The following FBXL13 variants were observed in gnomAD, a reference collection of about 807,000 sequenced individuals.
FBXL13 encodes the protein F-box and leucine rich repeat protein 13, also known as F-box and leucine-rich repeat protein 13.
In FBXL13, 67 loss-of-function variants were observed where a neutral mutation model predicts 83.6. The observed-to-expected ratio is 0.80, with a 90% confidence interval of 0.66 to 0.98. The LOEUF (loss-of-function observed/expected upper bound fraction) is 0.98. FBXL13 is among the 50% of genes least tolerant of loss of function. The probability of loss-of-function intolerance (pLI) is 0.00; values close to 1 mark genes in which losing one functional copy is unlikely to be tolerated. For synonymous variants in FBXL13, 272 were observed against 299.5 expected (o/e 0.91, Z 0.95); for missense variants, 822 against 866.5 (o/e 0.95, Z 0.64).
chr7:102,972,475 C>T (rs1229746758), intron 6 of FBXL13, among the ~76,000 whole-genome samples: 1 of 151,886 alleles, frequency 6.6e-6, no homozygotes, highest in Non-Finnish European at 1.5e-5. Context: ...CCAGTAAAAT[C>T]ATAGAAATAG....
chr7:102,900,690 T>A (rs1045976655), intron 11 of FBXL13, among the ~76,000 whole-genome samples: 3 of 152,168 alleles, frequency 2.0e-5, no homozygotes, highest in Non-Finnish European at 4.4e-5. Context: ...ATTACTAAGA[T>A]ATCTGTGCTT....
intron 1 of FBXL13, among the ~76,000 whole-genome samples, chr7:103,073,392 AG>A (rs1799215749): frequency 6.6e-6 from 1 of 152,066 alleles, no homozygotes; most frequent in Non-Finnish European, 1.5e-5. Flanking sequence ...ATGAGGTGGG[AG>A]GATCAATTGA....
Position 102,976,287 on chromosome 7 carries a change from T to A in FBXL13, c.496-8170A>T. 3 of 679,172 alleles carry A rather than the reference T, an allele frequency of 4.4e-6. No individual in the cohort carries two copies. In the South Asian group the frequency reaches 5.0e-5, roughly 11 times the overall value. 42.1% of individuals were successfully genotyped at this position (679,172 alleles called of 1,614,324 possible). A position where few individuals can be genotyped will look rare whatever the true frequency, so the allele number is the denominator to read the frequency against. Reference sequence around the variant, plus strand: ...GGGCAACCTATTCTGCTTTCCCTAATTTTTCAGGACCCACCCAGTCCTCCC... The same window carrying A: ...GGGCAACCTATTCTGCTTTCCCTAAATTTTCAGGACCCACCCAGTCCTCCC... On this transcript the variant is annotated intron_variant, in intron 6 of 19. Transcript: ENST00000313221.
At chr7:103,021,799 G>C (rs978528461) in intron 6 of FBXL13, among the ~76,000 whole-genome samples, 1 of 152,168 alleles carries the variant, frequency 6.6e-6, no homozygotes, top group African/African-American at 2.4e-5. Context: ...TCTCATACCA[G>C]TTAGAATGGT....
At chr7:103,063,932 T>C (rs1798155244) in intron 1 of FBXL13, among the ~76,000 whole-genome samples, 1 of 152,164 alleles carries the variant, frequency 6.6e-6, no homozygotes, top group South Asian at 2.1e-4. Flanking sequence ...AAACTCAACT[T>C]AATACGTACT....
intron 1 of FBXL13, among the ~76,000 whole-genome samples, 193 bp from the exon 2 acceptor site, chr7:103,055,940 G>A (rs576723396): frequency 4.1e-4 from 62 of 152,048 alleles, no homozygotes; most frequent in African/African-American, 1.4e-3. Flanking sequence ...TGAGATTTTG[G>A]TGCACCCATC....
At chr7:103,055,121 G>GT in intron 2 of FBXL13, 3 of 1,288,684 alleles carry the variant, frequency 2.3e-6, no homozygotes, top group Non-Finnish European at 3.0e-6. Context: ...GTTGTTCCAG[G>GT]TAAGTTTCAG....
At chr7:103,030,820 T>C (rs950829033) in intron 2 of FBXL13, among the ~76,000 whole-genome samples, 2 of 152,188 alleles carry the variant, frequency 1.3e-5, no homozygotes, top group Non-Finnish European at 2.9e-5. Flanking sequence ...AAAGAAGTAA[T>C]TTAAATCCTC....
intron 1 of FBXL13, among the ~76,000 whole-genome samples, chr7:103,066,484 C>T (rs1048073975): frequency 5.3e-5 from 8 of 151,868 alleles, no homozygotes; most frequent in African/African-American, 1.7e-4. Flanking sequence ...CTCTGCCTCC[C>T]GGGTTCACAC....
intron 2 of FBXL13, among the ~76,000 whole-genome samples, chr7:103,040,892 G>A (rs1163536785): frequency 1.3e-5 from 2 of 152,030 alleles, no homozygotes; most frequent in African/African-American, 2.4e-5. Flanking sequence ...ATCTAAAATC[G>A]ACACCCTAAA....
chr7:103,050,674 G>A (rs1341671145), intron 2 of FBXL13, among the ~76,000 whole-genome samples: 1 of 152,190 alleles, frequency 6.6e-6, no homozygotes, highest in Non-Finnish European at 1.5e-5. Context: ...AGCTCAGGGA[G>A]GCCAGAGCAA....
At chr7:102,934,789 ACTTC>A in intron 8 of FBXL13, 1 of 1,048,820 alleles carries the variant, frequency 9.5e-7, no homozygotes, top group Non-Finnish European at 1.4e-6. Context: ...TCGTGATGTC[ACTTC>A]CACCAGAAAT....
At chr7:102,928,833 CCTT>C (rs1818613515) in intron 9 of FBXL13, among the ~76,000 whole-genome samples, 1 of 152,152 alleles carries the variant, frequency 6.6e-6, no homozygotes, top group Non-Finnish European at 1.5e-5. Context: ...GATTTAAAAT[CCTT>C]CTTCATGAAG....
exon 14 of FBXL13, chr7:102,883,458 C>T (rs544435211): frequency 6.2e-7 from 1 of 1,606,268 alleles, no homozygotes; most frequent in South Asian, 1.1e-5. Context: ...ATCAGTAACC[C>T]TTTTATTTCC....
At chr7:102,867,505 C>T (rs1321067836) in intron 16 of FBXL13, among the ~76,000 whole-genome samples, 3 of 151,354 alleles carry the variant, frequency 2.0e-5, no homozygotes, top group Admixed American at 6.6e-5. Context: ...AGAGTCAGTT[C>T]TGTGTGTCTG....
chr7:102,921,088 G>A (rs1466300411), intron 10 of FBXL13, among the ~76,000 whole-genome samples: 3 of 152,188 alleles, frequency 2.0e-5, no homozygotes, highest in Non-Finnish European at 4.4e-5. Context: ...GGAGGCGGAG[G>A]TTGCAGTGAG....
rs890876541 is a variant in FBXL13 at position 102,958,558 on chromosome 7, T to A, written c.724+4975A>T. ...ATAATAATAATAATAATAATAATAA[T>A]AATAATAATAAAACAGAGACAGAGA... On this transcript the variant is annotated intron_variant, in intron 8 of 19. Coordinates refer to ENST00000313221, the Ensembl canonical transcript of FBXL13. Among the ~76,000 whole-genome samples the A allele has an allele frequency of 1.3e-3, 189 of 143,270 alleles. 1 individual carries two copies. The highest frequency in any genetic ancestry group is 4.7e-3 in the African/African-American group (185 of 39,566). The allele number at this position is 143,270 out of a possible 152,430, so 94.0% of individuals were successfully genotyped here.
intron 8 of FBXL13, chr7:102,934,045 G>C (rs370522298): frequency 6.2e-7 from 1 of 1,614,080 alleles, no homozygotes. Flanking sequence ...GCTCCAACCC[G>C]GTCAAACGCT....
At chr7:103,070,958 G>A (rs1798893075) in intron 1 of FBXL13, among the ~76,000 whole-genome samples, 1 of 152,054 alleles carries the variant, frequency 6.6e-6, no homozygotes, top group South Asian at 2.1e-4. Context: ...AACAGAAAAA[G>A]GCAAACTGAA....
Sources: gnomAD v4.1 joint callset for allele counts (sites outside exome capture counted in the v4.1 genomes callset) on GRCh38, gnomAD v4.1.1 for gene constraint, MANE v1.5 for transcripts, NCBI Gene and HGNC (gene_info 2026-07-23, HGNC 2026-07-21) for gene names.